MORC3: variants seen among roughly 807,000 people sequenced by gnomAD.
The protein encoded by MORC3 is MORC family CW-type zinc finger 3.
A neutral mutation model predicts 109.1 loss-of-function variants in MORC3; 31 were observed. The ratio of observed to expected loss-of-function variants is 0.28; its 90% CI spans 0.21 to 0.38. The LOEUF is 0.38. Ranked by LOEUF, MORC3 falls within the 10% of genes least tolerant of loss-of-function variation. The pLI, the probability that MORC3 is intolerant of heterozygous loss-of-function variation, is 1.00. For synonymous variants in MORC3, 395 were observed against 380.7 expected (o/e 1.04, Z -0.44); for missense variants, 867 against 1,135.8 (o/e 0.76, Z 3.40).
intron 6 of MORC3, among the ~76,000 whole-genome samples, chr21:36,342,492 T>A (rs1601521361): frequency 1.3e-5 from 2 of 152,032 alleles, no homozygotes; most frequent in Non-Finnish European, 2.9e-5. Context: ...AGCCTCTGCC[T>A]CCTGGCCCCA....
intron 1 of MORC3, among the ~76,000 whole-genome samples, chr21:36,325,367 T>C (rs1345008293): frequency 6.6e-6 from 1 of 152,230 alleles, no homozygotes; most frequent in East Asian, 1.9e-4. Context: ...TTCTGGCTGC[T>C]AGCTCTTGGA....
intron 10 of MORC3, among the ~76,000 whole-genome samples, chr21:36,358,398 T>C: frequency 6.6e-6 from 1 of 151,778 alleles, no homozygotes; most frequent in East Asian, 2.0e-4. Flanking sequence ...AAAAAATAAA[T>C]AAAATGAAAT....
In MORC3 at chr21:36,330,667, G is replaced by A. The variant is rs147524731; in HGVS notation, c.40-2979G>A. Among the ~76,000 whole-genome samples the A allele has an allele frequency of 1.6e-4, 24 of 152,224 alleles. No individual in the cohort carries two copies. The East Asian group carries it at 4.4e-3, about 28-fold the overall frequency. ...TTACAAACTTTGACTCTTTTTAGTC[G>A]ACAGTAGCCAGAGGTTTTACACCCC... On this transcript the variant is annotated intron_variant, in intron 1 of 16. Coordinates refer to ENST00000400485, the MANE Select transcript of MORC3 (RefSeq NM_015358.3).
At chr21:36,345,175 G>T (rs1475668429) in intron 8 of MORC3, 144 bp downstream of exon 8, 1 of 881,220 alleles carries the variant, frequency 1.1e-6, no homozygotes, top group African/African-American at 1.8e-5. Flanking sequence ...AAATAACACT[G>T]TGGTATTTGA....
At chr21:36,322,777 C>G (rs1174234896) in intron 1 of MORC3, among the ~76,000 whole-genome samples, 1 of 151,964 alleles carries the variant, frequency 6.6e-6, no homozygotes, top group African/African-American at 2.4e-5. Context: ...CCCTGTAATT[C>G]TAGTGAAATG....
intron 1 of MORC3, among the ~76,000 whole-genome samples, chr21:36,321,962 A>G (rs1262885861): frequency 1.3e-5 from 2 of 152,198 alleles, no homozygotes; most frequent in African/African-American, 2.4e-5. Context: ...GCTGCTGTCC[A>G]TGTGCTGGGT....
chr21:36,373,100 G>T (rs1601545239), intron 16 of MORC3, among the ~76,000 whole-genome samples: 1 of 152,200 alleles, frequency 6.6e-6, no homozygotes, highest in East Asian at 1.9e-4. Flanking sequence ...AGCACTTTGG[G>T]AGGCTGAGTT....
intron 8 of MORC3, 118 bp from the exon 9 acceptor site, chr21:36,349,193 T>C: frequency 1.5e-6 from 1 of 687,370 alleles, no homozygotes; most frequent in Non-Finnish European, 2.4e-6. Context: ...AAAATAAATG[T>C]GATGAGAATC....
At chr21:36,324,044 T>G (rs1183776687) in intron 1 of MORC3, among the ~76,000 whole-genome samples, 1 of 151,322 alleles carries the variant, frequency 6.6e-6, no homozygotes, top group Admixed American at 6.6e-5. Flanking sequence ...TCTGGCTGAT[T>G]TTGTATTTTT....
At chr21:36,348,055 T>C (rs2085530663) in intron 8 of MORC3, 1 of 152,236 alleles carries the variant, frequency 6.6e-6, no homozygotes, top group Admixed American at 6.5e-5. Context: ...TTTCATTTTA[T>C]GAGTTACACA....
chr21:36,329,323 C>T (rs902864195), intron 1 of MORC3, among the ~76,000 whole-genome samples: 30 of 151,506 alleles, frequency 2.0e-4, no homozygotes, highest in African/African-American at 7.0e-4. Flanking sequence ...AGAAAGTTTA[C>T]AAATTTGTGT....
At chr21:36,343,075 C>T (rs1230819740) in intron 6 of MORC3, among the ~76,000 whole-genome samples, 2 of 117,154 alleles carry the variant, frequency 1.7e-5, no homozygotes, top group African/African-American at 7.2e-5. Flanking sequence ...ATAATAATGT[C>T]GATAAATTAA....
At chr21:36,326,651 A>C (rs2146286023) in intron 1 of MORC3, among the ~76,000 whole-genome samples, 1 of 152,240 alleles carries the variant, frequency 6.6e-6, no homozygotes, top group African/African-American at 2.4e-5. Flanking sequence ...GAATAAGGGG[A>C]GACTGCTGTA....
At chr21:36,373,873 C>T (rs1182908981) in intron 16 of MORC3, among the ~76,000 whole-genome samples, 1 of 152,072 alleles carries the variant, frequency 6.6e-6, no homozygotes, top group Non-Finnish European at 1.5e-5. Context: ...ATGTGTTTGC[C>T]ATAATATTTG....
Position 36,333,643 on chromosome 21 carries a change from C to T in MORC3, c.40-3C>T. ...ATTTACATGGACCTTTTGTTTGTTT[C>T]AGCTTTGCCCGAAGTTTTTACATAC... On this transcript the variant is annotated splice_region_variant and splice_polypyrimidine_tract_variant and intron_variant, in intron 1 of 16. Coordinates refer to ENST00000400485, the MANE Select transcript of MORC3 (RefSeq NM_015358.3). 4 of 1,610,848 alleles carry T rather than the reference C, an allele frequency of 2.5e-6. No homozygotes were observed. The highest frequency in any genetic ancestry group is 2.2e-5 in the East Asian group (1 of 44,856).
At chr21:36,348,890 T>C (rs2085541886) in intron 8 of MORC3, among the ~76,000 whole-genome samples, 1 of 152,066 alleles carries the variant, frequency 6.6e-6, no homozygotes. Flanking sequence ...CCGGACGCGG[T>C]GGCTCATGCC....
In MORC3 at chr21:36,337,815, G is replaced by A. The variant is rs1942766123; in HGVS notation, c.329G>A (p.Arg110His). Reference protein sequence around the residue: ...YGNGFKSGSMRLGKDAIVFTK... With the variant: ...YGNGFKSGSMHLGKDAIVFTK... The stretch of plus-strand genomic sequence containing the variant: ...AATGGCTTCAAGTCGGGTTCTATGC[G>A]TCTGGGTAAAGACGCAATCGTTTTT... The change falls in exon 4 of 17, where the codon CGT (arginine) becomes CAT (histidine). Residue 110 changes from arginine (R) to histidine (H), a missense_variant. By Grantham distance (29) the Arg-to-His change is conservative. Around this residue, in one of 7 missense-constraint regions of MORC3, gnomAD observed 53 missense variants for 130.3 expected, o/e 0.41. Transcript: ENST00000400485. The A allele has an allele frequency of 1.9e-6, 3 of 1,614,152 alleles. No homozygotes were observed. Among genetic ancestry groups the A allele is most frequent in the Middle Eastern group, 1.6e-4 (1 of 6,062 alleles).
At chr21:36,357,731 GTTTTTTTTTTTTTGGT>G in intron 10 of MORC3, among the ~76,000 whole-genome samples, 1 of 135,026 alleles carries the variant, frequency 7.4e-6, no homozygotes, top group South Asian at 2.4e-4. Flanking sequence ...GGTTGGTTGG[GTTTTTTTTTTTTTGGT>G]TTTTTTTTTT....
At position 36,345,041 on chromosome 21, in the gene MORC3, A is replaced by AT. The variant is rs1601523293; in HGVS notation, c.1005+16dup. Reference sequence around the variant, plus strand: ...TGGATGTCAGTTAAGGGTAAGCTTTATTTTTTATTTGAAAAGAAAATGTCT... The same window carrying AT: ...TGGATGTCAGTTAAGGGTAAGCTTTATTTTTTTATTTGAAAAGAAAATGTCT... On this transcript the variant is annotated intron_variant, in intron 8 of 16. Transcript: ENST00000400485. 2 of 1,578,542 alleles carry AT rather than the reference A, an allele frequency of 1.3e-6. No individual in the cohort carries two copies. The highest frequency in any genetic ancestry group is 8.5e-7 in the Non-Finnish European group (1 of 1,169,598).
Sources: allele counts gnomAD v4.1 joint callset (sites outside exome capture counted in the v4.1 genomes callset), GRCh38; gene constraint gnomAD v4.1.1; regional missense constraint gnomAD v4.1.1; transcripts MANE v1.5; gene names NCBI Gene and HGNC (gene_info 2026-07-23, HGNC 2026-07-21).